Variants in PTRH2 observed in about 807,000 individuals in gnomAD.
The protein encoded by PTRH2 is peptidyl-tRNA hydrolase 2, also known as peptidyl-tRNA hydrolase 2, mitochondrial.
PTRH2 carries 10 observed loss-of-function variants against 12.3 expected under a neutral mutation model. That is an observed-to-expected ratio of 0.81 (90% CI 0.50 to 1.38). The LOEUF (loss-of-function observed/expected upper bound fraction) is 1.38. Among genes scored for constraint, PTRH2 ranks in the 40% most tolerant of loss-of-function variants. PTRH2 has a pLI of 0.00. For synonymous variants in PTRH2, 73 were observed against 77.4 expected (o/e 0.94, Z 0.30); for missense variants, 176 against 214.1 (o/e 0.82, Z 1.11).
chr17:59,702,799 C>T (rs567446320), intron 1 of PTRH2, among the ~76,000 whole-genome samples: 52 of 152,304 alleles, frequency 3.4e-4, no homozygotes, highest in African/African-American at 1.2e-3. Flanking sequence ...AAAAGCAACA[C>T]ATATTCAGTA....
intron 1 of PTRH2, chr17:59,700,181 G>T (rs951348781): frequency 6.6e-6 from 1 of 152,184 alleles, no homozygotes; most frequent in African/African-American, 2.4e-5. Context: ...GAATTTTCCA[G>T]AAGTGTAGCT....
chr17:59,699,060 T>C, intron 1 of PTRH2: 1 of 575,564 alleles, frequency 1.7e-6, no homozygotes. Flanking sequence ...CATAGTGTTG[T>C]TCTTCAGGAA....
intron 1 of PTRH2, chr17:59,699,236 T>G (rs9652857): frequency 0.62 from 127,181 of 206,662 alleles, 42,863 homozygotes; most frequent in Non-Finnish European, 0.75. Context: ...CAAATGCCTC[T>G]GCCAGTTTCT....
At chr17:59,698,260 T>C (rs1360213360) in intron 1 of PTRH2, 1 of 433,392 alleles carries the variant, frequency 2.3e-6, no homozygotes, top group Non-Finnish European at 4.1e-6. Flanking sequence ...AGTCTTCCCT[T>C]AGTCTTGTGG....
At chr17:59,705,096 T>A (rs1000402798) in intron 1 of PTRH2, among the ~76,000 whole-genome samples, 1 of 152,184 alleles carries the variant, frequency 6.6e-6, no homozygotes, top group East Asian at 1.9e-4. Flanking sequence ...CAAGTTTCTA[T>A]TTGATGCTTA....
chr17:59,701,946 C>T (rs533089363), intron 1 of PTRH2, among the ~76,000 whole-genome samples: 14 of 151,568 alleles, frequency 9.2e-5, no homozygotes, highest in African/African-American at 3.1e-4. Context: ...CCTCGTGATC[C>T]GCCCACCTCG....
chr17:59,701,525 T>C (rs2033553326), intron 1 of PTRH2: 1 of 152,244 alleles, frequency 6.6e-6, no homozygotes, highest in Non-Finnish European at 1.5e-5. Flanking sequence ...TTTTATGATA[T>C]ACTGCTTCCC....
chr17:59,698,456 T>TA (rs2143637908), intron 1 of PTRH2: 1 of 215,744 alleles, frequency 4.6e-6, no homozygotes, highest in East Asian at 1.2e-4. Flanking sequence ...ACTACTGAAA[T>TA]TTACTAAGCC....
At chr17:59,705,425 A>G (rs891603625) in intron 1 of PTRH2, among the ~76,000 whole-genome samples, 1 of 150,718 alleles carries the variant, frequency 6.6e-6, no homozygotes, top group East Asian at 2.0e-4. Context: ...CTTTTTCTTT[A>G]TTTTTTTTTA....
rs1598256396 is a variant in PTRH2, at chr17:59,697,902, C to G, written c.77G>C (p.Gly26Ala). The G allele has an allele frequency of 6.2e-7, 1 of 1,614,118 alleles. No individual in the cohort carries two copies. The highest frequency in any genetic ancestry group is 2.2e-5 in the East Asian group (1 of 44,872). The change falls in exon 2 of 2, where the codon GGC becomes GCC. Residue 26 changes from glycine to alanine, a missense_variant. Coordinates refer to ENST00000393038, the MANE Select transcript of PTRH2 (RefSeq NM_016077.5). ...TCGAAGGCTCCAGCCCAGGCACATG[C>G]CACAAGCAACTCCAACAGCCAAGCC... The part of the protein sequence containing the change: ...TLGLAVGVAC[G>A]MCLGWSLRVC...
chr17:59,697,328 T>C lies in PTRH2; in HGVS notation c.*111A>G. On this transcript the variant is annotated 3_prime_UTR_variant, in exon 2 of 2. Coordinates refer to ENST00000393038, the MANE Select transcript of PTRH2 (RefSeq NM_016077.5). ...CCATAGAACATGGGAATAGGTTTTA[T>C]TTTCATCTCAAGAACATTTAAGTTG... is the stretch of plus-strand genomic sequence containing the variant. The C allele has an allele frequency of 7.7e-7, 1 of 1,297,076 alleles. No individual in the cohort carries two copies. Among genetic ancestry groups the C allele is most frequent in the South Asian group, 1.5e-5 (1 of 66,766 alleles). 80.3% of individuals were successfully genotyped at this position (1,297,076 alleles called of 1,614,324 possible). A position where few individuals can be genotyped will look rare whatever the true frequency, so the allele number is the denominator to read the frequency against.
chr17:59,699,075 C>T (rs1263511935), intron 1 of PTRH2: 1 of 565,664 alleles, frequency 1.8e-6, no homozygotes, highest in African/African-American at 1.9e-5. Context: ...CAGGAAGATA[C>T]CAAGTTTTGA....
intron 1 of PTRH2, among the ~76,000 whole-genome samples, chr17:59,701,714 TTGTC>T (rs2033556443): frequency 6.6e-6 from 1 of 152,152 alleles, no homozygotes; most frequent in Non-Finnish European, 1.5e-5. Flanking sequence ...GTTTGTTTGT[TTGTC>T]TATTTGAGAT....
chr17:59,702,673 C>CT (rs2033574559), intron 1 of PTRH2, among the ~76,000 whole-genome samples: 1 of 152,326 alleles, frequency 6.6e-6, no homozygotes, highest in African/African-American at 2.4e-5. Context: ...TACACACTGG[C>CT]TAAACACTCT....
intron 1 of PTRH2, chr17:59,699,080 T>A (rs1000626254): frequency 3.6e-6 from 2 of 562,802 alleles, no homozygotes; most frequent in Non-Finnish European, 6.3e-6. Context: ...AGATACCAAG[T>A]TTTGACCGTA....
intron 1 of PTRH2, chr17:59,698,617 C>G (rs2033495191): frequency 4.3e-6 from 2 of 460,702 alleles, no homozygotes; most frequent in South Asian, 6.5e-5. Flanking sequence ...TGTACAGGTG[C>G]TCCTCAATTT....
intron 1 of PTRH2, chr17:59,699,309 C>T (rs1189466286): frequency 6.0e-6 from 1 of 167,348 alleles, no homozygotes; most frequent in African/African-American, 2.4e-5. Flanking sequence ...GCCTTTACCT[C>T]TTTCTTCCTC....
In PTRH2 at chr17:59,697,817, A is replaced by ACTT; in HGVS notation, c.159_161dup (p.Glu53_Ser54insArg). ...CGCTGTCTCCCAAGATGCTTGCTTC[A>ACTT]CTTTCAGTATCTGTGTGTGTCTTGC... On this transcript the variant is annotated inframe_insertion, in exon 2 of 2. Transcript: ENST00000393038. 1 of 1,614,136 alleles carries ACTT rather than the reference A, an allele frequency of 6.2e-7. No individual in the cohort carries two copies. Among genetic ancestry groups the ACTT allele is most frequent in the Middle Eastern group, 1.6e-4 (1 of 6,062 alleles).
rs897548911 is a variant in PTRH2, at chr17:59,704,560, A to G, written c.-1+2811T>C. Reference sequence around the variant, plus strand: ...GAGGCCACTTGGACAAATATGTAGAATGAAGAAAGGACTAAAACATAATCC... The same window carrying G: ...GAGGCCACTTGGACAAATATGTAGAGTGAAGAAAGGACTAAAACATAATCC... On this transcript the variant is annotated intron_variant, in intron 1 of 1. Transcript: ENST00000393038. Among the ~76,000 whole-genome samples, 6 of 152,188 alleles carry G rather than the reference A, an allele frequency of 3.9e-5. No homozygotes were observed. The East Asian group carries it at 1.2e-3, about 29-fold the overall frequency.
Sources: gnomAD v4.1 joint callset for allele counts (sites outside exome capture counted in the v4.1 genomes callset) on GRCh38, gnomAD v4.1.1 for gene constraint, MANE v1.5 for transcripts, NCBI Gene and HGNC (gene_info 2026-07-23, HGNC 2026-07-21) for gene names.